ROCK1: variants seen among roughly 807,000 people sequenced by gnomAD.
ROCK1 encodes the protein rho-associated protein kinase 1.
ROCK1 carries 36 observed loss-of-function variants against 196.8 expected under a neutral mutation model. The ratio of observed to expected loss-of-function variants is 0.18; its 90% CI spans 0.14 to 0.24. The LOEUF (loss-of-function observed/expected upper bound fraction) is 0.24. Among genes scored for constraint, ROCK1 ranks in the 10% least tolerant of loss-of-function variants. ROCK1 has a pLI of 1.00. For synonymous variants in ROCK1, 443 were observed against 515.9 expected (o/e 0.86, Z 1.91); for missense variants, 920 against 1,562.0 (o/e 0.59, Z 6.93).
chr18:21,050,529 T>A (rs2036195551), intron 2 of ROCK1, among the ~76,000 whole-genome samples: 1 of 152,150 alleles, frequency 6.6e-6, no homozygotes, highest in Non-Finnish European at 1.5e-5. Flanking sequence ...ATATTCTAAT[T>A]CCTAATTTGG....
At chr18:21,047,653 G>T (rs2036171979) in intron 4 of ROCK1, among the ~76,000 whole-genome samples, 1 of 151,970 alleles carries the variant, frequency 6.6e-6, no homozygotes, top group Admixed American at 6.6e-5. Flanking sequence ...TAATAGCCGG[G>T]CGTGGTGGCA....
intron 19 of ROCK1, among the ~76,000 whole-genome samples, chr18:20,986,124 G>A (rs2035576185): frequency 6.6e-6 from 1 of 152,146 alleles, no homozygotes; most frequent in Non-Finnish European, 1.5e-5. Flanking sequence ...GCCTCCCGAA[G>A]TGCTGGGATT....
At chr18:21,033,325 G>A (rs1046710269) in intron 9 of ROCK1, among the ~76,000 whole-genome samples, 1 of 152,126 alleles carries the variant, frequency 6.6e-6, no homozygotes, top group African/African-American at 2.4e-5. Context: ...GACTAGAGAG[G>A]AACTTCCTCA....
chr18:20,979,547 G>A (rs201173705), intron 22 of ROCK1, among the ~76,000 whole-genome samples: 9 of 151,894 alleles, frequency 5.9e-5, no homozygotes, highest in Non-Finnish European at 1.2e-4. Flanking sequence ...GCTTGAACCC[G>A]GGAGGTGGAA....
intron 3 of ROCK1, 128 bp downstream of exon 3, chr18:21,049,652 A>G (rs2036188649): frequency 1.6e-6 from 1 of 644,022 alleles, no homozygotes; most frequent in Admixed American, 3.5e-5. Context: ...CCCTCAGGCA[A>G]CAATGTCTAA....
At chr18:20,997,617 C>T (rs896758399) in intron 16 of ROCK1, among the ~76,000 whole-genome samples, 5 of 152,152 alleles carry the variant, frequency 3.3e-5, no homozygotes, top group African/African-American at 1.2e-4. Flanking sequence ...CAGATTTAAT[C>T]TGCACTATAG....
intron 27 of ROCK1, among the ~76,000 whole-genome samples, chr18:20,960,432 G>A (rs1465952208): frequency 1.3e-5 from 2 of 151,938 alleles, no homozygotes; most frequent in Non-Finnish European, 2.9e-5. Flanking sequence ...TTAACATTTA[G>A]TAATCAATTA....
intron 13 of ROCK1, among the ~76,000 whole-genome samples, chr18:21,015,028 A>G (rs562237480): frequency 1.3e-5 from 2 of 152,330 alleles, no homozygotes; most frequent in East Asian, 3.9e-4. Context: ...TTTCCATTTG[A>G]TTACATGAGA....
Position 20,952,383 on chromosome 18 carries a change from AAATGAATGAATGAATG to A in ROCK1, c.4062-1012_4062-997del, listed in dbSNP as rs4007700. Reference sequence around the variant, plus strand: ...GGTGACAGAGCGAGACTCTGTCTCAAAATGAATGAATGAATGAATGAATGAATGAATGAATGAATGG... The same window carrying A: ...GGTGACAGAGCGAGACTCTGTCTCAAAATGAATGAATGAATGAATGAATGG... On this transcript the variant is annotated intron_variant, in intron 32 of 32. Transcript: ENST00000399799. 1.5e-4 allele frequency among the ~76,000 whole-genome samples: 22 copies of A among 147,584 alleles called. 1 individual carries two copies. The highest frequency in any genetic ancestry group is 1.0e-3 in the Admixed American group (15 of 14,662).
chr18:21,028,739 A>G (rs764205433), intron 10 of ROCK1, 37 bp downstream of exon 10: 9 of 1,524,216 alleles, frequency 5.9e-6, no homozygotes, highest in Admixed American at 2.3e-5. Flanking sequence ...GAACAAAATC[A>G]GCACTTACTC....
intron 1 of ROCK1, among the ~76,000 whole-genome samples, chr18:21,085,163 C>G (rs2036515666): frequency 6.6e-6 from 1 of 151,828 alleles, no homozygotes; most frequent in Non-Finnish European, 1.5e-5. Context: ...ATAGTGCAAA[C>G]AGATACTGGT....
chr18:20,952,984 G>A (rs1430988257), intron 32 of ROCK1, among the ~76,000 whole-genome samples: 1 of 152,094 alleles, frequency 6.6e-6, no homozygotes, highest in Non-Finnish European at 1.5e-5. Context: ...GGGATGGGGG[G>A]CTAGGGCAGG....
chr18:21,065,504 A>G (rs2036326569), intron 2 of ROCK1, among the ~76,000 whole-genome samples: 1 of 152,144 alleles, frequency 6.6e-6, no homozygotes, highest in African/African-American at 2.4e-5. Context: ...CTATTAACAT[A>G]TAATTATGAA....
intron 27 of ROCK1, among the ~76,000 whole-genome samples, chr18:20,963,811 T>G (rs1386169897): frequency 6.6e-6 from 1 of 152,144 alleles, no homozygotes; most frequent in East Asian, 1.9e-4. Context: ...ATGTTTGTAT[T>G]GTGTGCTAGG....
Position 20,959,919 on chromosome 18 carries a change from C to T in ROCK1, c.3433G>A (p.Val1145Ile). The T allele has an allele frequency of 6.3e-7, 1 of 1,593,456 alleles. No homozygotes were observed. Among genetic ancestry groups the T allele is most frequent in the Non-Finnish European group, 8.6e-7 (1 of 1,164,202 alleles). The change falls in exon 29 of 33, where the codon GTA becomes ATA. Residue 1145 changes from valine (V) to isoleucine (I), a missense_variant. Transcript: ENST00000399799. The stretch of plus-strand genomic sequence containing the variant: ...TAGAACAAAATTTTTTTGCTGCTTA[C>T]CACAACATACTGAAATAAGAAAAAG... The part of the protein sequence containing the change: ...RYGWKKQYVV[V>I]SSKKILFYND...
intron 5 of ROCK1, among the ~76,000 whole-genome samples, chr18:21,044,859 TTC>T (rs2036141205): frequency 1.3e-5 from 2 of 151,896 alleles, no homozygotes; most frequent in South Asian, 4.2e-4. Flanking sequence ...AAGTTTGGAG[TTC>T]TTTTTTTCCC....
At chr18:21,110,714 G>A (rs1337273816) in intron 1 of ROCK1, 104 bp downstream of exon 1, 14 of 866,820 alleles carry the variant, frequency 1.6e-5, no homozygotes, top group Non-Finnish European at 2.6e-5. Context: ...CATTTTCCAA[G>A]ACGATTATGC....
At chr18:21,026,672 T>G (rs2035960331) in intron 10 of ROCK1, among the ~76,000 whole-genome samples, 2 of 152,042 alleles carry the variant, frequency 1.3e-5, no homozygotes, top group African/African-American at 2.4e-5. Flanking sequence ...TAAATTGTCT[T>G]TTTGTTTTCT....
chr18:20,986,007 C>T (rs116713726), intron 19 of ROCK1, among the ~76,000 whole-genome samples: 2 of 151,988 alleles, frequency 1.3e-5, no homozygotes, highest in African/African-American at 2.4e-5. Flanking sequence ...TATAGGCATG[C>T]GACACCACAC....
Sources: gnomAD v4.1 joint callset for allele counts (sites outside exome capture counted in the v4.1 genomes callset) on GRCh38, gnomAD v4.1.1 for gene constraint, MANE v1.5 for transcripts, NCBI Gene and HGNC (gene_info 2026-07-23, HGNC 2026-07-21) for gene names.